The following KAZN variants were observed in gnomAD, a reference collection of about 807,000 sequenced individuals.
KAZN encodes the protein kazrin.
A neutral mutation model predicts 87.4 loss-of-function variants in KAZN; 40 were observed. The observed-to-expected ratio is 0.46, with a 90% CI of 0.36 to 0.60. The LOEUF is 0.60. Among genes scored for constraint, KAZN ranks in the 20% least tolerant of loss-of-function variants. The probability of loss-of-function intolerance (pLI) is 0.00; values close to 1 mark genes in which losing one functional copy is unlikely to be tolerated. For synonymous variants in KAZN, 466 were observed against 458.3 expected, an observed-to-expected ratio of 1.02 and a Z score of -0.22; for missense variants, 898 against 1,073.9, an observed-to-expected ratio of 0.84 and a Z score of 2.29.
chr1:14,259,382 G>C (rs1035934498), intron 2 of KAZN, among the ~76,000 whole-genome samples: 1 of 152,126 alleles, frequency 6.6e-6, no homozygotes, highest in Non-Finnish European at 1.5e-5. Flanking sequence ...GCTGTGCCGA[G>C]CTGGGACGGC....
intron 1 of KAZN, among the ~76,000 whole-genome samples, chr1:14,915,587 C>T (rs1232789659): frequency 6.6e-6 from 1 of 152,234 alleles, no homozygotes; most frequent in Non-Finnish European, 1.5e-5. Context: ...TGAGGGTTCC[C>T]TCTGAGTCCC....
chr1:15,073,288 G>A lies in KAZN; in HGVS notation c.1222+7535G>A, dbSNP rs149524863. On this transcript the variant is annotated intron_variant, in intron 8 of 14. Coordinates refer to ENST00000376030, the MANE Select transcript of KAZN (RefSeq NM_201628.3). ...TCCCAGGCCCCATCCTGTAGCTACCGAACCAAAGGGTCTAAGGCCGAGGCC... is the reference window on the plus strand; with the variant it reads ...TCCCAGGCCCCATCCTGTAGCTACCAAACCAAAGGGTCTAAGGCCGAGGCC... Among the ~76,000 whole-genome samples, 517 of 152,324 alleles carry A rather than the reference G, an allele frequency of 3.4e-3. 5 individuals carry two copies. The highest frequency in any genetic ancestry group is 0.012 in the African/African-American group (495 of 41,572).
intron 1 of KAZN, among the ~76,000 whole-genome samples, chr1:13,972,231 C>T (rs988639597): frequency 5.3e-5 from 8 of 151,616 alleles, no homozygotes; most frequent in African/African-American, 1.9e-4. Context: ...TACTAATGAA[C>T]ATCCATGTGT....
intron 2 of KAZN, among the ~76,000 whole-genome samples, chr1:15,008,509 C>T (rs550649164): frequency 6.6e-6 from 1 of 152,194 alleles, no homozygotes; most frequent in African/African-American, 2.4e-5. Context: ...CCGGGAATGC[C>T]CTGCCGGGTT....
intron 2 of KAZN, chr1:14,304,747 C>A: frequency 5.0e-6 from 2 of 397,610 alleles, no homozygotes; most frequent in South Asian, 1.3e-4. Context: ...GTGGCATTAC[C>A]ACACCACAGT....
intron 1 of KAZN, among the ~76,000 whole-genome samples, chr1:14,869,623 A>C (rs1041005064): frequency 1.3e-5 from 2 of 152,148 alleles, no homozygotes; most frequent in African/African-American, 4.8e-5. Context: ...CTGCACTCTG[A>C]GGAGAGAAAT....
chr1:14,834,356 C>CT (rs34228625), intron 1 of KAZN, among the ~76,000 whole-genome samples: 1,928 of 88,604 alleles, frequency 0.022, 51 homozygotes, highest in African/African-American at 0.043. Context: ...AAGTCACTTC[C>CT]TTTTTTTTTT....
chr1:14,636,579 G>T (rs1016501648), intron 1 of KAZN, among the ~76,000 whole-genome samples: 1 of 152,184 alleles, frequency 6.6e-6, no homozygotes, highest in Non-Finnish European at 1.5e-5. Flanking sequence ...CACCTGTGTG[G>T]CATCATTTGA....
At chr1:14,444,828 A>G (rs1024490244) in intron 2 of KAZN, among the ~76,000 whole-genome samples, 10 of 152,192 alleles carry the variant, frequency 6.6e-5, no homozygotes, top group African/African-American at 1.9e-4. Context: ...TCACCGCACT[A>G]GCCTCATATC....
intron 2 of KAZN, among the ~76,000 whole-genome samples, chr1:14,371,355 C>A (rs1342967902): frequency 6.6e-6 from 1 of 152,164 alleles, no homozygotes; most frequent in African/African-American, 2.4e-5. Flanking sequence ...CATGCTTAAT[C>A]CCCTCTTGCA....
intron 1 of KAZN, among the ~76,000 whole-genome samples, chr1:14,014,896 G>T (rs1344132587): frequency 6.6e-6 from 1 of 152,156 alleles, no homozygotes; most frequent in African/African-American, 2.4e-5. Context: ...TGCTGGTAAG[G>T]AAATGTAGCC....
chr1:14,270,024 G>A (rs944511940), intron 2 of KAZN, among the ~76,000 whole-genome samples: 7 of 152,174 alleles, frequency 4.6e-5, no homozygotes, highest in East Asian at 1.9e-4. Context: ...CACCTGCTCC[G>A]GGCAGGTGCA....
intron 2 of KAZN, among the ~76,000 whole-genome samples, chr1:14,223,331 G>A (rs1409990194): frequency 6.6e-6 from 1 of 152,206 alleles, no homozygotes; most frequent in Non-Finnish European, 1.5e-5. Flanking sequence ...TCCAGCTATA[G>A]TAGGCTTTTT....
At chr1:14,121,734 G>C (rs1644755787) in intron 1 of KAZN, among the ~76,000 whole-genome samples, 2 of 152,202 alleles carry the variant, frequency 1.3e-5, no homozygotes, top group South Asian at 4.1e-4. Flanking sequence ...GAAGGTGTAA[G>C]TTCTGTGAAA....
chr1:15,100,636 C>T (rs1383067371), intron 10 of KAZN, among the ~76,000 whole-genome samples: 3 of 152,200 alleles, frequency 2.0e-5, no homozygotes. Context: ...CTGCTGTATA[C>T]GTGGTACAGG....
chr1:14,905,012 C>T lies in KAZN; in HGVS notation c.227-55672C>T, dbSNP rs867604802. ...TCCTGACCTCGTGATCCGCCCACCT[C>T]GGCCTCCCAAAGTGCTGGGATTACA... On this transcript the variant is annotated intron_variant, in intron 1 of 14. Coordinates refer to ENST00000376030, the MANE Select transcript of KAZN (RefSeq NM_201628.3). Among the ~76,000 whole-genome samples the T allele has an allele frequency of 5.1e-4, 77 of 152,242 alleles. 1 individual carries two copies. The highest frequency in any genetic ancestry group is 2.6e-3 in the Admixed American group (40 of 15,296).
intron 1 of KAZN, among the ~76,000 whole-genome samples, chr1:14,146,705 GAAAA>G (rs34508324): frequency 0.014 from 1,878 of 137,300 alleles, 35 homozygotes; most frequent in African/African-American, 0.045. Flanking sequence ...GATCATCTCA[GAAAA>G]AAAAAAAAAA....
intron 1 of KAZN, among the ~76,000 whole-genome samples, chr1:14,023,895 C>A (rs1640956242): frequency 6.6e-6 from 1 of 152,148 alleles, no homozygotes; most frequent in African/African-American, 2.4e-5. Flanking sequence ...AGACAGAAAC[C>A]AATGGGCAAC....
Position 14,197,591 on chromosome 1 carries a change from G to A in KAZN, c.249+16999G>A, listed in dbSNP as rs542394095. On this transcript the variant is annotated intron_variant, in intron 2 of 16. Transcript: ENST00000636203. ...TAATCCCAGCTACTTGGGAGGCTGAGACAGGAGAATCGTTTAAACCCAGGA... is the reference window on the plus strand; with the variant it reads ...TAATCCCAGCTACTTGGGAGGCTGAAACAGGAGAATCGTTTAAACCCAGGA... Among the ~76,000 whole-genome samples the A allele has an allele frequency of 6.6e-5, 10 of 152,208 alleles. No homozygotes were observed. The South Asian group carries it at 2.1e-3, about 32-fold the overall frequency.
Sources: gnomAD v4.1 joint callset for allele counts (sites outside exome capture counted in the v4.1 genomes callset) on GRCh38, gnomAD v4.1.1 for gene constraint, MANE v1.5 for transcripts, NCBI Gene and HGNC (gene_info 2026-07-23, HGNC 2026-07-21) for gene names.